The following FBRSL1 variants were observed in gnomAD, a reference collection of about 807,000 sequenced individuals.
FBRSL1 encodes fibrosin-1-like protein.
In FBRSL1, 51 loss-of-function variants were observed where a neutral mutation model predicts 89.6. The observed-to-expected ratio is 0.57, with a 90% CI of 0.45 to 0.72. The LOEUF (loss-of-function observed/expected upper bound fraction) is 0.72. Among genes scored for constraint, FBRSL1 ranks in the 30% least tolerant of loss-of-function variants. The probability of loss-of-function intolerance (pLI) is 0.00; values close to 1 mark genes in which losing one functional copy is unlikely to be tolerated. For missense variants in FBRSL1, 1,618 were observed against 1,451.8 expected, an observed-to-expected ratio of 1.11 and a Z score of -1.86; for synonymous variants, 779 against 681.1, an observed-to-expected ratio of 1.14 and a Z score of -2.24.
intron 14 of FBRSL1, among the ~76,000 whole-genome samples, chr12:132,575,966 A>G (rs953262061): frequency 6.6e-6 from 1 of 152,164 alleles, no homozygotes; most frequent in Non-Finnish European, 1.5e-5. Flanking sequence ...CTCTGCTCCC[A>G]TGGGAGGGCA....
intron 5 of FBRSL1, chr12:132,553,776 A>G (rs1427485216): frequency 6.6e-6 from 1 of 152,266 alleles, no homozygotes; most frequent in Non-Finnish European, 1.5e-5. Context: ...TCAGCGTCCC[A>G]CAGCTGCTGT....
chr12:132,565,613 A>C (rs1169416843), intron 5 of FBRSL1: 1 of 151,926 alleles, frequency 6.6e-6, no homozygotes, highest in East Asian at 1.9e-4. Flanking sequence ...GTGTGTACGT[A>C]CTTGAGTTTG....
In FBRSL1 at chr12:132,490,865, G is replaced by GC. The variant is rs1233880398; in HGVS notation, c.291+4_291+5insC. ...CAGCACCCTGGAGGCCCTGGAGGTA[G>GC]GTGGACGGGTGCGGCTTCGCAGGCG... On this transcript the variant is annotated splice_donor_region_variant and intron_variant, in intron 1 of 18. Coordinates refer to ENST00000680143, the MANE Select transcript of FBRSL1 (RefSeq NM_001367871.1). 19 of 1,389,930 alleles carry GC rather than the reference G, an allele frequency of 1.4e-5. No homozygotes were observed. Among genetic ancestry groups the GC allele is most frequent in the Admixed American group, 3.1e-5 (1 of 32,202 alleles). 86.1% of individuals were successfully genotyped at this position (1,389,930 alleles called of 1,614,324 possible). A position where few individuals can be genotyped will look rare whatever the true frequency, so the allele number is the denominator to read the frequency against.
chr12:132,567,341 G>A (rs1017702271), intron 5 of FBRSL1, 140 bp from the exon 6 acceptor site: 29 of 754,158 alleles, frequency 3.8e-5, no homozygotes, highest in African/African-American at 2.4e-4. Context: ...TGTTCACCTC[G>A]TACACGGGGG....
chr12:132,535,799 G>A (rs116128475), intron 4 of FBRSL1, among the ~76,000 whole-genome samples: 3,664 of 136,642 alleles, frequency 0.027, 150 homozygotes, highest in African/African-American at 0.097. Context: ...GATGGTGTGC[G>A]TGAGTGCACG....
At chr12:132,500,639 C>G (rs563154522) in intron 1 of FBRSL1, among the ~76,000 whole-genome samples, 1 of 152,292 alleles carries the variant, frequency 6.6e-6, no homozygotes, top group East Asian at 1.9e-4. Context: ...TGCCTGGGAG[C>G]CCAGGGCCCT....
intron 4 of FBRSL1, among the ~76,000 whole-genome samples, chr12:132,539,591 ACCCAGTCCTGCCCTCCAGCCCCGTGCCCG>A (rs1207586654): frequency 4.2e-5 from 2 of 48,020 alleles, no homozygotes; most frequent in Non-Finnish European, 7.7e-5. Context: ...CCCGATGCCC[ACCCAGTCCTGCCCTCCAGCCCCGTGCCCG>A]CCCAGTCCTG....
Position 132,510,350 on chromosome 12 carries a change from C to A in FBRSL1, c.489+2000C>A, listed in dbSNP as rs2034194760. On this transcript the variant is annotated intron_variant, in intron 2 of 18. Transcript: ENST00000680143. ...GTCAGCCCCGGCTCTCGCTCCTGGCCCTGGGCCATCCCTGCCGGCCCCTGC... is the reference window on the plus strand; with the variant it reads ...GTCAGCCCCGGCTCTCGCTCCTGGCACTGGGCCATCCCTGCCGGCCCCTGC... 4 of 1,231,680 alleles carry A rather than the reference C, an allele frequency of 3.2e-6. No individual in the cohort carries two copies. In the African/African-American group the frequency reaches 4.7e-5, roughly 14 times the overall value. 76.3% of individuals were successfully genotyped at this position (1,231,680 alleles called of 1,614,324 possible).
chr12:132,581,980 C>A, intron 17 of FBRSL1, 82 bp from the exon 18 acceptor site: 2 of 1,359,552 alleles, frequency 1.5e-6, no homozygotes, highest in African/African-American at 1.4e-5. Flanking sequence ...TGGGACCCTT[C>A]TAAAACCCCT....
At chr12:132,501,541 C>T (rs1296465224) in intron 1 of FBRSL1, among the ~76,000 whole-genome samples, 1 of 152,190 alleles carries the variant, frequency 6.6e-6, no homozygotes, top group Non-Finnish European at 1.5e-5. Flanking sequence ...CGCTGGGTGC[C>T]CTCACTGCTG....
At chr12:132,561,064 G>A (rs1398008669) in intron 5 of FBRSL1, among the ~76,000 whole-genome samples, 1 of 152,230 alleles carries the variant, frequency 6.6e-6, no homozygotes, top group African/African-American at 2.4e-5. Context: ...GGCCCCCAGA[G>A]GGCCGGCCCC....
At chr12:132,555,363 AGCCGCCCC>A (rs1470520955) in intron 5 of FBRSL1, among the ~76,000 whole-genome samples, 37 of 146,450 alleles carry the variant, frequency 2.5e-4, no homozygotes, top group Admixed American at 3.4e-4. Flanking sequence ...CCTCCACGGT[AGCCGCCCC>A]ACCCGAGCGT....
chr12:132,583,387 G>A lies in FBRSL1; in HGVS notation c.2618G>A (p.Gly873Asp). ...RAFPAAAPAP[G>D]SAALLEPPER... ...TTCCCCGCTGCCGCCCCCGCCCCGG[G>A]CTCCGCCGCCCTCTTGGAGCCCCCG... The change falls in exon 19 of 19, where the codon GGC becomes GAC. Residue 873 changes from glycine to aspartate, a missense_variant. Gly to Asp is a moderately conservative substitution (Grantham distance 94). Transcript: ENST00000680143. 1.8e-6 allele frequency: 2 copies of A among 1,085,672 alleles called. No homozygotes were observed. The highest frequency in any genetic ancestry group is 3.1e-5 in the South Asian group (1 of 32,754). 67.3% of individuals were successfully genotyped at this position (1,085,672 alleles called of 1,614,324 possible).
At chr12:132,579,980 G>T (rs905434830) in intron 15 of FBRSL1, among the ~76,000 whole-genome samples, 5 of 152,164 alleles carry the variant, frequency 3.3e-5, no homozygotes, top group Admixed American at 3.3e-4. Context: ...GTGTCCATCC[G>T]TCACGCCTGA....
At position 132,572,557 on chromosome 12, in the gene FBRSL1, G is replaced by A. The variant is rs1450673117; in HGVS notation, c.1465G>A (p.Gly489Arg). 1.3e-6 allele frequency: 2 copies of A among 1,551,342 alleles called. No homozygotes were observed. Among genetic ancestry groups the A allele is most frequent in the Non-Finnish European group, 1.7e-6 (2 of 1,146,882 alleles). ...FFPSFPPAIP[G>R]LPTLLPHPGP... ...CCCGTCCTTCCCTCCTGCCATCCCG[G>A]GACTGCCCACCCTGCTCCCACACCC... Residue 489 changes from glycine (G) to arginine (R), a missense_variant, in exon 11 of 19, where the codon GGA becomes AGA. Transcript: ENST00000680143.
At chr12:132,514,798 G>A (rs2034686608) in intron 2 of FBRSL1, among the ~76,000 whole-genome samples, 1 of 152,182 alleles carries the variant, frequency 6.6e-6, no homozygotes, top group Non-Finnish European at 1.5e-5. Flanking sequence ...AGTGTTATGT[G>A]AGCCACATAT....
intron 1 of FBRSL1, among the ~76,000 whole-genome samples, chr12:132,503,023 C>T (rs1008858964): frequency 2.6e-5 from 4 of 152,020 alleles, no homozygotes; most frequent in Admixed American, 6.5e-5. Context: ...CTTCCCGGCC[C>T]GCACAGGGCC....
At chr12:132,525,896 G>T in intron 3 of FBRSL1, 73 bp downstream of exon 3, 2 of 1,296,734 alleles carry the variant, frequency 1.5e-6, no homozygotes, top group Non-Finnish European at 2.2e-6. Context: ...GCACAAGGGC[G>T]TCCAGTCCGA....
At chr12:132,527,720 T>G (rs9668516) in intron 3 of FBRSL1, among the ~76,000 whole-genome samples, 25 of 119,580 alleles carry the variant, frequency 2.1e-4, no homozygotes, top group Admixed American at 3.2e-4. Flanking sequence ...GGCAGGGTTG[T>G]GGGCTGCGGG....
Sources: allele counts gnomAD v4.1 joint callset (sites outside exome capture counted in the v4.1 genomes callset), GRCh38; gene constraint gnomAD v4.1.1; transcripts MANE v1.5; gene names NCBI Gene and HGNC (gene_info 2026-07-23, HGNC 2026-07-21).